Variants in PIK3C2A observed in about 807,000 individuals in gnomAD.
PIK3C2A encodes phosphatidylinositol 4-phosphate 3-kinase C2 domain-containing subunit alpha.
A neutral mutation model predicts 204.5 loss-of-function variants in PIK3C2A; 97 were observed. The ratio of observed to expected loss-of-function variants is 0.47; its 90% CI spans 0.40 to 0.56. PIK3C2A has a LOEUF of 0.56. Among genes scored for constraint, PIK3C2A ranks in the 20% least tolerant of loss-of-function variants. PIK3C2A has a pLI of 0.00. For synonymous variants in PIK3C2A, 653 were observed against 664.4 expected (o/e 0.98, Z 0.26); for missense variants, 1,735 against 1,969.2 (o/e 0.88, Z 2.25).
intron 16 of PIK3C2A, among the ~76,000 whole-genome samples, chr11:17,119,582 C>T (rs1042735189): frequency 1.3e-5 from 2 of 152,104 alleles, no homozygotes; most frequent in African/African-American, 4.8e-5. Context: ...TACAACCTAA[C>T]CCTTCCTTTA....
At position 17,089,795 on chromosome 11, in the gene PIK3C2A, G is replaced by A; in HGVS notation, c.5004C>T (p.Phe1668=). 6.2e-7 allele frequency: 1 copy of A among 1,613,942 alleles called. No individual in the cohort carries two copies. Among genetic ancestry groups the A allele is most frequent in the Non-Finnish European group, 8.5e-7 (1 of 1,179,878 alleles). Residue 1668 remains phenylalanine, a synonymous_variant, in exon 33 of 33, where the codon TTC becomes TTT. Transcript: ENST00000691414. ...LGGVTLPLKD[F]NLSKETVKWY... Reference sequence around the variant, plus strand: ...ATTTAACCGTCTCTTTGCTCAAGTTGAAATCTTTCAAAGGCAGGGTTACTC... The same window carrying A: ...ATTTAACCGTCTCTTTGCTCAAGTTAAAATCTTTCAAAGGCAGGGTTACTC...
Position 17,125,069 on chromosome 11 carries a change from A to T in PIK3C2A, c.2400-2256T>A, listed in dbSNP as rs556121226. On this transcript the variant is annotated intron_variant, in intron 13 of 32. Transcript: ENST00000691414. ...CTTTGGGTTATCTCTCTGTGATGTT[A>T]CTATTGATCAGTTTAGTTCTAGTGC... 2.6e-5 allele frequency among the ~76,000 whole-genome samples: 4 copies of T among 152,358 alleles called. No homozygotes were observed. In the South Asian group the frequency reaches 8.3e-4, roughly 32 times the overall value.
At chr11:17,161,902 T>G (rs1019132703) in intron 2 of PIK3C2A, among the ~76,000 whole-genome samples, 2 of 152,350 alleles carry the variant, frequency 1.3e-5, no homozygotes, top group Admixed American at 1.3e-4. Context: ...AATTGTGCCA[T>G]GGATTTCCAA....
At chr11:17,099,338 G>A (rs1003952037) in intron 26 of PIK3C2A, among the ~76,000 whole-genome samples, 2 of 152,228 alleles carry the variant, frequency 1.3e-5, no homozygotes, top group African/African-American at 4.8e-5. Context: ...CATGGAAATT[G>A]TTAAGACAAA....
chr11:17,160,847 C>CA (rs1478144650), intron 2 of PIK3C2A, among the ~76,000 whole-genome samples: 3 of 151,876 alleles, frequency 2.0e-5, no homozygotes, highest in African/African-American at 4.8e-5. Context: ...CAAAACAAAA[C>CA]AAACAAACAA....
chr11:17,168,296 T>C (rs1352531971), intron 2 of PIK3C2A, among the ~76,000 whole-genome samples: 7 of 152,104 alleles, frequency 4.6e-5, no homozygotes. Flanking sequence ...CTTAACAAAT[T>C]ATGGGCTGGG....
chr11:17,094,317 T>C lies in PIK3C2A; in HGVS notation c.4395A>G (p.Glu1465=). The change falls in exon 28 of 33, where the codon GAA becomes GAG. Residue 1465 remains glutamate, a synonymous_variant. Coordinates refer to ENST00000691414, the MANE Select transcript of PIK3C2A (RefSeq NM_002645.4). The part of the protein sequence containing the change: ...EPSFVFRTFD[E]FQELHNKLSI... Reference sequence around the variant, plus strand: ...TGAGCTTATTGTGAAGTTCCTGAAATTCGTCAAATGTTCGGAAGACAAATG... The same window carrying C: ...TGAGCTTATTGTGAAGTTCCTGAAACTCGTCAAATGTTCGGAAGACAAATG... 1 of 1,611,318 alleles carries C rather than the reference T, an allele frequency of 6.2e-7. No individual in the cohort carries two copies. Among genetic ancestry groups the C allele is most frequent in the Non-Finnish European group, 8.5e-7 (1 of 1,177,430 alleles).
Position 17,169,724 on chromosome 11 carries a change from G to A in PIK3C2A, c.18C>T (p.Ser6=), listed in dbSNP as rs190365821. The A allele has an allele frequency of 3.7e-6, 6 of 1,600,418 alleles. No homozygotes were observed. The African/African-American group carries it at 8.0e-5, about 21-fold the overall frequency. ...ATGGACATTCTTTAAATCCGCTGTT[G>A]CTAGATATCTGAGCCATGTCCACTA... is the stretch of plus-strand genomic sequence containing the variant. The part of the protein sequence containing the change: MAQIS[S]NSGFKECPSS... The change falls in exon 2 of 33, where the codon AGC becomes AGT. Residue 6 remains serine, a synonymous_variant. Coordinates refer to ENST00000691414, the MANE Select transcript of PIK3C2A (RefSeq NM_002645.4).
Position 17,169,760 on chromosome 11 carries a change from A to ACCTTCCTT in PIK3C2A, c.-27_-20dup, listed in dbSNP as rs549152687. ...GAGCCATGTCCACTAAAAAGACCAA[A>ACCTTCCTT]CCTTCCTTCCTCTATTTTTTTCTTG... is the stretch of plus-strand genomic sequence containing the variant. On this transcript the variant is annotated 5_prime_UTR_variant, in exon 2 of 33. Coordinates refer to ENST00000691414, the MANE Select transcript of PIK3C2A (RefSeq NM_002645.4). The ACCTTCCTT allele has an allele frequency of 1.8e-4, 283 of 1,532,958 alleles. 2 individuals carry two copies. In the East Asian group the frequency reaches 6.1e-3, roughly 33 times the overall value. 95.0% of individuals were successfully genotyped at this position (1,532,958 alleles called of 1,614,324 possible). A position where few individuals can be genotyped will look rare whatever the true frequency, so the allele number is the denominator to read the frequency against.
chr11:17,197,811 G>A (rs1398289870), intron 1 of PIK3C2A, among the ~76,000 whole-genome samples: 1 of 152,102 alleles, frequency 6.6e-6, no homozygotes, highest in Non-Finnish European at 1.5e-5. Flanking sequence ...TAACAGTAAA[G>A]CTTCTGTGTT....
rs370264831 is a variant in PIK3C2A at position 17,139,760 on chromosome 11, A to G, written c.1705-3135T>C. Among the ~76,000 whole-genome samples, 39 of 152,252 alleles carry G rather than the reference A, an allele frequency of 2.6e-4. No homozygotes were observed. In the South Asian group the frequency reaches 7.9e-3, roughly 31 times the overall value. On this transcript the variant is annotated intron_variant, in intron 8 of 32. Coordinates refer to ENST00000691414, the MANE Select transcript of PIK3C2A (RefSeq NM_002645.4). The stretch of plus-strand genomic sequence containing the variant: ...GTATCCTATTGAAACCTTAACCACA[A>G]TATCATATCTGGTTACAACCCCTTT...
Position 17,167,375 on chromosome 11 carries a change from C to A in PIK3C2A, c.1065+1302G>T, listed in dbSNP as rs1396208004. On this transcript the variant is annotated intron_variant, in intron 2 of 32. Coordinates refer to ENST00000691414, the MANE Select transcript of PIK3C2A (RefSeq NM_002645.4). ...TGGTGGCTCACGCCTGTAATCCCAG[C>A]ATACTGGGAGGCCAAGGTGGGCTGA... Among the ~76,000 whole-genome samples, 4 of 152,258 alleles carry A rather than the reference C, an allele frequency of 2.6e-5. No individual in the cohort carries two copies. In the South Asian group the frequency reaches 6.2e-4, roughly 24 times the overall value.
chr11:17,202,120 G>A (rs1269129400), intron 1 of PIK3C2A, among the ~76,000 whole-genome samples: 2 of 151,932 alleles, frequency 1.3e-5, no homozygotes, highest in Non-Finnish European at 2.9e-5. Context: ...TCCGGGCATG[G>A]TGGCATGCAC....
chr11:17,189,588 A>G (rs1851870817), intron 1 of PIK3C2A, among the ~76,000 whole-genome samples: 1 of 131,748 alleles, frequency 7.6e-6, no homozygotes, highest in East Asian at 1.9e-4. Flanking sequence ...TGTTTTTAGT[A>G]TATTTTTAGT....
At chr11:17,140,442 AT>A (rs1301057651) in intron 8 of PIK3C2A, among the ~76,000 whole-genome samples, 1 of 152,218 alleles carries the variant, frequency 6.6e-6, no homozygotes, top group Non-Finnish European at 1.5e-5. Context: ...AATAAACAAA[AT>A]GTGGGGTAGC....
chr11:17,154,398 G>C (rs1427450468), intron 3 of PIK3C2A, among the ~76,000 whole-genome samples: 3 of 151,920 alleles, frequency 2.0e-5, no homozygotes, highest in Non-Finnish European at 4.4e-5. Flanking sequence ...TATCACCAAT[G>C]GTCCAGAAAA....
At chr11:17,103,427 T>G (rs1021503988) in intron 23 of PIK3C2A, among the ~76,000 whole-genome samples, 4 of 152,128 alleles carry the variant, frequency 2.6e-5, no homozygotes, top group African/African-American at 7.2e-5. Context: ...TTTTCTTTAA[T>G]CTAAAGCATG....
At chr11:17,142,132 A>G (rs1437514193) in intron 8 of PIK3C2A, among the ~76,000 whole-genome samples, 1 of 152,216 alleles carries the variant, frequency 6.6e-6, no homozygotes, top group East Asian at 1.9e-4. Flanking sequence ...AATAGATATG[A>G]TGGGTACTAT....
At chr11:17,123,995 T>G (rs1409066888) in intron 13 of PIK3C2A, among the ~76,000 whole-genome samples, 1 of 152,166 alleles carries the variant, frequency 6.6e-6, no homozygotes, top group Non-Finnish European at 1.5e-5. Flanking sequence ...AAATTTTCTC[T>G]TGACAAACAG....
Sources: gnomAD v4.1 joint callset for allele counts (sites outside exome capture counted in the v4.1 genomes callset) on GRCh38, gnomAD v4.1.1 for gene constraint, MANE v1.5 for transcripts, NCBI Gene and HGNC (gene_info 2026-07-23, HGNC 2026-07-21) for gene names.